The following MYF5 variants were observed in gnomAD, a reference collection of about 807,000 sequenced individuals.
MYF5 encodes the protein myogenic factor 5, also known as class C basic helix-loop-helix protein 2.
Under a neutral mutation model 22.3 loss-of-function variants are expected in MYF5, and 20 were observed. The observed-to-expected ratio is 0.90, with a 90% CI of 0.63 to 1.30. MYF5 has a LOEUF of 1.30. MYF5 is among the 50% of genes most tolerant of loss of function. The pLI, the probability that MYF5 is intolerant of heterozygous loss-of-function variation, is 0.00. For synonymous variants in MYF5, 141 were observed against 128.4 expected (o/e 1.10, Z -0.66); for missense variants, 348 against 325.9 (o/e 1.07, Z -0.52).
Position 80,717,560 on chromosome 12 carries a change from G to C in MYF5, c.497G>C (p.Gly166Ala), listed in dbSNP as rs983876972. ...PTSPTSNCSD[G>A]MPECNSPVWS... ...AGCCCCACCTCCAACTGCTCTGATG[G>C]CATGGTAAGCAATAGATCTGGTACC... Residue 166 changes from glycine (G) to alanine (A), a missense_variant, in exon 1 of 3, where the codon GGC becomes GCC. Physicochemically the swap from Gly to Ala is moderately conservative, Grantham distance 60. Coordinates refer to ENST00000228644, the MANE Select transcript of MYF5 (RefSeq NM_005593.3). 6.2e-7 allele frequency: 1 copy of C among 1,613,176 alleles called. No individual in the cohort carries two copies. Among genetic ancestry groups the C allele is most frequent in the Admixed American group, 1.7e-5 (1 of 59,960 alleles).
In MYF5 at chr12:80,718,802, A is replaced by G. The variant is rs1001234291; in HGVS notation, c.578-59A>G. 28 of 1,422,998 alleles carry G rather than the reference A, an allele frequency of 2.0e-5. No homozygotes were observed. In the Admixed American group the frequency reaches 2.8e-4, roughly 14 times the overall value. 88.1% of individuals were successfully genotyped at this position (1,422,998 alleles called of 1,614,324 possible). On this transcript the variant is annotated intron_variant, in intron 2 of 2. Transcript: ENST00000228644. Reference sequence around the variant, plus strand: ...GACCTACAATTTAAGGAGCAACATAAGCAAATCTGTCTATCTTGGGCTAAT... The same window carrying G: ...GACCTACAATTTAAGGAGCAACATAGGCAAATCTGTCTATCTTGGGCTAAT...
At chr12:80,718,570 C>A in intron 2 of MYF5, 137 bp downstream of exon 2, 2 of 793,752 alleles carry the variant, frequency 2.5e-6, no homozygotes, top group Non-Finnish European at 2.1e-6. Flanking sequence ...TTTGGTAAAG[C>A]AAAATAAACA....
At position 80,717,211 on chromosome 12, in the gene MYF5, G is replaced by T. The variant is rs1273295402; in HGVS notation, c.148G>T (p.Asp50Tyr). 1.9e-6 allele frequency: 3 copies of T among 1,613,970 alleles called. No individual in the cohort carries two copies. The highest frequency in any genetic ancestry group is 3.3e-5 in the Admixed American group (2 of 60,010). ...GCACAAAGCAGAGCTGCAGGGCTCA[G>T]ATGAGGACGAGCACGTGCGAGCGCC... ...GAHKAELQGSDEDEHVRAPTG... is the reference protein window; with the variant it reads ...GAHKAELQGSYEDEHVRAPTG... Residue 50 changes from aspartate (D) to tyrosine (Y), a missense_variant, in exon 1 of 3, where the codon GAT becomes TAT. Coordinates refer to ENST00000228644, the MANE Select transcript of MYF5 (RefSeq NM_005593.3).
intron 2 of MYF5, 133 bp downstream of exon 2, chr12:80,718,566 A>G: frequency 1.2e-6 from 1 of 822,622 alleles, no homozygotes; most frequent in South Asian, 1.6e-5. Flanking sequence ...AGGCTTTGGT[A>G]AAGCAAAATA....
chr12:80,717,038 A>G lies in MYF5; in HGVS notation c.-26A>G. 1 of 1,574,266 alleles carries G rather than the reference A, an allele frequency of 6.4e-7. No homozygotes were observed. Among genetic ancestry groups the G allele is most frequent in the African/African-American group, 1.3e-5 (1 of 74,606 alleles). ...CTCCCCATCCCTCTCGCTGCCGTCC[A>G]GGTGCACCGCCTGCCTCTCAGCAGG... On this transcript the variant is annotated 5_prime_UTR_variant, in exon 1 of 3. Transcript: ENST00000228644.
In MYF5 at chr12:80,717,002, G is replaced by C; in HGVS notation, c.-62G>C. The C allele has an allele frequency of 5.9e-6, 9 of 1,537,232 alleles. No homozygotes were observed. Among genetic ancestry groups the C allele is most frequent in the Admixed American group, 3.7e-5 (2 of 54,686 alleles). ...GATTTGCCCATCGGCGGAGGCGCCAGGCTCCCGTTTCTCCCCATCCCTCTC... is the reference window on the plus strand; with the variant it reads ...GATTTGCCCATCGGCGGAGGCGCCACGCTCCCGTTTCTCCCCATCCCTCTC... On this transcript the variant is annotated 5_prime_UTR_variant, in exon 1 of 3. Transcript: ENST00000228644.
Position 80,717,038 on chromosome 12 carries a change from A to C in MYF5, c.-26A>C, listed in dbSNP as rs780648255. 1.9e-6 allele frequency: 3 copies of C among 1,574,266 alleles called. No homozygotes were observed. The highest frequency in any genetic ancestry group is 3.4e-4 in the Middle Eastern group (2 of 5,872). On this transcript the variant is annotated 5_prime_UTR_variant, in exon 1 of 3. Transcript: ENST00000228644. ...CTCCCCATCCCTCTCGCTGCCGTCC[A>C]GGTGCACCGCCTGCCTCTCAGCAGG... is the stretch of plus-strand genomic sequence containing the variant.
chr12:80,718,941 C>G lies in MYF5; in HGVS notation c.658C>G (p.Pro220Ala), dbSNP rs955559054. The part of the protein sequence containing the change: ...IVDRITSSEQ[P>A]GLPLQDLASL... ...GGACCGGATCACCTCCTCAGAGCAA[C>G]CTGGGTTGCCTCTCCAGGATCTGGC... is the stretch of plus-strand genomic sequence containing the variant. The change falls in exon 3 of 3, where the codon CCT becomes GCT. Residue 220 changes from proline to alanine, a missense_variant. Transcript: ENST00000228644. The G allele has an allele frequency of 6.2e-7, 1 of 1,614,134 alleles. No homozygotes were observed. Among genetic ancestry groups the G allele is most frequent in the African/African-American group, 1.3e-5 (1 of 75,024 alleles).
chr12:80,717,721 C>A (rs757102799), intron 1 of MYF5, among the ~76,000 whole-genome samples, 157 bp downstream of exon 1: 4 of 152,142 alleles, frequency 2.6e-5, no homozygotes, highest in Non-Finnish European at 2.9e-5. Context: ...CTCCCCAAAC[C>A]GCTGCTGAAC....
rs770448321 is a variant in MYF5 at position 80,717,395 on chromosome 12, C to T, written c.332C>T (p.Thr111Met). ...TTCGAAACCCTCAAGAGGTGTACCACGACCAACCCCAACCAGAGGCTGCCC... is the reference window on the plus strand; with the variant it reads ...TTCGAAACCCTCAAGAGGTGTACCATGACCAACCCCAACCAGAGGCTGCCC... ...QAFETLKRCTTTNPNQRLPKV... is the reference protein window; with the variant it reads ...QAFETLKRCTMTNPNQRLPKV... Residue 111 changes from threonine (T) to methionine (M), a missense_variant, in exon 1 of 3, where the codon ACG (threonine) becomes ATG (methionine). Transcript: ENST00000228644. 5.6e-6 allele frequency: 9 copies of T among 1,614,040 alleles called. No homozygotes were observed. Among genetic ancestry groups the T allele is most frequent in the Admixed American group, 1.7e-5 (1 of 60,008 alleles).
chr12:80,717,626 A>C, intron 1 of MYF5, 62 bp downstream of exon 1: 4 of 1,548,630 alleles, frequency 2.6e-6, no homozygotes, highest in Non-Finnish European at 3.5e-6. Context: ...CTTACACCTC[A>C]TTTAACCTGG....
Position 80,718,906 on chromosome 12 carries a change from C to T in MYF5, c.623C>T (p.Ser208Phe). 6.2e-7 allele frequency: 1 copy of T among 1,614,050 alleles called. No individual in the cohort carries two copies. The highest frequency in any genetic ancestry group is 8.5e-7 in the Non-Finnish European group (1 of 1,179,980). ...TCCTTATCCAGCTTGGATTGCTTAT[C>T]CAACATAGTGGACCGGATCACCTCC... ...KNSLSSLDCL[S>F]NIVDRITSSE... Residue 208 changes from serine (S) to phenylalanine (F), a missense_variant, in exon 3 of 3, where the codon TCC (serine) becomes TTC (phenylalanine). By Grantham distance (155) the Ser-to-Phe change is radical. Transcript: ENST00000228644.
At position 80,718,362 on chromosome 12, in the gene MYF5, A is replaced by C; in HGVS notation, c.506A>C (p.Glu169Ala). ...PTSNCSDGMPECNSPVWSRKS... is the reference protein window; with the variant it reads ...PTSNCSDGMPACNSPVWSRKS... ...GTTGTGTGTCTTGTATTATAGCCCG[A>C]ATGTAACAGTCCTGTCTGGTCCAGA... The change falls in exon 2 of 3, where the codon GAA becomes GCA. Residue 169 changes from glutamate (E) to alanine (A), a missense_variant. Transcript: ENST00000228644. 1 of 1,613,938 alleles carries C rather than the reference A, an allele frequency of 6.2e-7. No individual in the cohort carries two copies. Among genetic ancestry groups the C allele is most frequent in the South Asian group, 1.1e-5 (1 of 91,068 alleles).
chr12:80,717,940 C>T (rs891894163), intron 1 of MYF5, among the ~76,000 whole-genome samples: 8 of 152,208 alleles, frequency 5.3e-5, no homozygotes, highest in Non-Finnish European at 1.5e-5. Context: ...AATACCCACA[C>T]GGCCCCAGTT....
At position 80,716,967 on chromosome 12, in the gene MYF5, C is replaced by T. The variant is rs1270009785; in HGVS notation, c.-97C>T. 8 of 1,459,476 alleles carry T rather than the reference C, an allele frequency of 5.5e-6. No individual in the cohort carries two copies. The highest frequency in any genetic ancestry group is 2.3e-5 in the East Asian group (1 of 43,598). The allele number at this position is 1,459,476 out of a possible 1,614,324, so 90.4% of individuals were successfully genotyped here. A position where few individuals can be genotyped will look rare whatever the true frequency, so the allele number is the denominator to read the frequency against. ...ATTACCGGAGCGACAGACTAGGGAG[C>T]TCCGCCCGGGATTTGCCCATCGGCG... On this transcript the variant is annotated 5_prime_UTR_variant, in exon 1 of 3. Transcript: ENST00000228644.
chr12:80,718,687 C>T (rs966849705), intron 2 of MYF5, among the ~76,000 whole-genome samples, 174 bp from the exon 3 acceptor site: 4 of 152,152 alleles, frequency 2.6e-5, no homozygotes, highest in East Asian at 1.9e-4. Context: ...CCACTCCCCA[C>T]GTCTACCCCT....
Position 80,717,253 on chromosome 12 carries a change from G to A in MYF5, c.190G>A (p.Ala64Thr). The change falls in exon 1 of 3, where the codon GCT becomes ACT. Residue 64 changes from alanine (A) to threonine (T), a missense_variant. Coordinates refer to ENST00000228644, the MANE Select transcript of MYF5 (RefSeq NM_005593.3). ...GCGAGCGCCTACCGGCCACCACCAG[G>A]CTGGTCACTGCCTCATGTGGGCCTG... ...HVRAPTGHHQ[A>T]GHCLMWACKA... 1.2e-6 allele frequency: 2 copies of A among 1,614,124 alleles called. No individual in the cohort carries two copies. The highest frequency in any genetic ancestry group is 1.7e-6 in the Non-Finnish European group (2 of 1,180,036).
chr12:80,718,513 T>C, intron 2 of MYF5, 80 bp downstream of exon 2: 4 of 1,248,350 alleles, frequency 3.2e-6, no homozygotes, highest in Admixed American at 3.4e-5. Flanking sequence ...TTCTTGCTGA[T>C]AGTATTGGGG....
At position 80,717,584 on chromosome 12, in the gene MYF5, C is replaced by T; in HGVS notation, c.501+20C>T. The T allele has an allele frequency of 1.2e-6, 2 of 1,606,896 alleles. No individual in the cohort carries two copies. Among genetic ancestry groups the T allele is most frequent in the South Asian group, 2.2e-5 (2 of 90,584 alleles). ...GGCATGGTAAGCAATAGATCTGGTA[C>T]CTGCTAGGCTACCCTAATCTTTTCT... On this transcript the variant is annotated intron_variant, in intron 1 of 2. Transcript: ENST00000228644.
Sources: allele counts gnomAD v4.1 joint callset (sites outside exome capture counted in the v4.1 genomes callset), GRCh38; gene constraint gnomAD v4.1.1; transcripts MANE v1.5; gene names NCBI Gene and HGNC (gene_info 2026-07-23, HGNC 2026-07-21).